Variants in TRIM34 observed in about 807,000 individuals in gnomAD.
The protein encoded by TRIM34 is E3 ubiquitin-protein ligase TRIM34.
A neutral mutation model predicts 38.1 loss-of-function variants in TRIM34; 41 were observed. The ratio of observed to expected loss-of-function variants is 1.08; its 90% CI spans 0.84 to 1.40. The LOEUF (loss-of-function observed/expected upper bound fraction) is 1.40, where lower values mean the gene tolerates loss of function less well. TRIM34 is among the 40% of genes most tolerant of loss of function. TRIM34 has a pLI of 0.00. For synonymous variants in TRIM34, 200 were observed against 202.5 expected (o/e 0.99, Z 0.10); for missense variants, 556 against 571.4 (o/e 0.97, Z 0.27).
chr11:5,628,256 C>G (rs1564882415), intron 1 of TRIM34, among the ~76,000 whole-genome samples: 1 of 152,198 alleles, frequency 6.6e-6, no homozygotes, highest in South Asian at 2.1e-4. Flanking sequence ...CCTGGAGCCC[C>G]CCGGTATTTC....
At chr11:5,641,138 T>C in intron 4 of TRIM34, 29 bp from the exon 5 acceptor site, 1 of 1,612,440 alleles carries the variant, frequency 6.2e-7, no homozygotes. Context: ...TTTATACACT[T>C]TGACTCATGT....
At chr11:5,632,822 CTTTTTT>C (rs878895848) in intron 2 of TRIM34, 68 bp downstream of exon 2, 352 of 981,878 alleles carry the variant, frequency 3.6e-4, no homozygotes, top group Middle Eastern at 1.4e-3. Flanking sequence ...CCTTTTCATC[CTTTTTT>C]TTTTTTTTTT....
chr11:5,630,247 A>G (rs574041744), intron 1 of TRIM34, among the ~76,000 whole-genome samples: 1 of 152,268 alleles, frequency 6.6e-6, no homozygotes, highest in South Asian at 2.1e-4. Context: ...GGTGATGGCG[A>G]TGTGTTTTTT....
At chr11:5,633,448 C>T (rs1014345993) in intron 2 of TRIM34, among the ~76,000 whole-genome samples, 1 of 152,020 alleles carries the variant, frequency 6.6e-6, no homozygotes, top group Non-Finnish European at 1.5e-5. Context: ...GTGATAAATT[C>T]CTTCCCAAAG....
chr11:5,623,128 T>C (rs949640358), upstream of TRIM34, among the ~76,000 whole-genome samples: 1 of 105,218 alleles, frequency 9.5e-6, no homozygotes, highest in African/African-American at 4.2e-5. Context: ...TTTTTTTTTA[T>C]CTTAGTAGCT....
At chr11:5,635,270 T>G (rs1011705932) in intron 4 of TRIM34, among the ~76,000 whole-genome samples, 3 of 151,422 alleles carry the variant, frequency 2.0e-5, no homozygotes, top group African/African-American at 7.3e-5. Flanking sequence ...TTTTTTTTTT[T>G]TTTGAGACGG....
intron 1 of TRIM34, chr11:5,626,461 T>C (rs1220797037): frequency 2.0e-5 from 3 of 152,248 alleles, no homozygotes; most frequent in African/African-American, 4.8e-5. Context: ...GTTTTCATTG[T>C]AAGAACACAT....
chr11:5,643,163 A>G lies in TRIM34; in HGVS notation c.921A>G (p.Ser307=). 9 of 1,550,442 alleles carry G rather than the reference A, an allele frequency of 5.8e-6. No homozygotes were observed. The highest frequency in any genetic ancestry group is 7.8e-6 in the Non-Finnish European group (9 of 1,154,538). Residue 307 remains serine (S), a synonymous_variant, in exon 8 of 8, where the codon TCA becomes TCG. Transcript: ENST00000429814. ...RCYWVDVTLN[S]VNLNLNLVLS... is the part of the protein sequence containing the mutation. ...TTGCAGTGGATGTCACACTGAATTC[A>G]GTCAACCTAAATTTGAATCTTGTCC...
chr11:5,637,473 A>C (rs56360642), intron 4 of TRIM34, among the ~76,000 whole-genome samples: 6,195 of 152,302 alleles, frequency 0.041, 405 homozygotes, highest in African/African-American at 0.14. Flanking sequence ...TTTGATTTTT[A>C]ATGCTTTCTG....
chr11:5,636,715 T>C (rs1333366886), intron 4 of TRIM34, among the ~76,000 whole-genome samples: 3 of 152,194 alleles, frequency 2.0e-5, no homozygotes, highest in African/African-American at 7.2e-5. Flanking sequence ...AAAATATTGG[T>C]AGATCAAAAA....
chr11:5,628,806 A>ATTTT (rs71053285), intron 1 of TRIM34, among the ~76,000 whole-genome samples: 2 of 149,456 alleles, frequency 1.3e-5, no homozygotes, highest in Non-Finnish European at 1.5e-5. Context: ...GGCAAAGTTG[A>ATTTT]TTTTTTTTTT....
chr11:5,632,458 A>G lies in TRIM34; in HGVS notation c.127A>G (p.Asn43Asp). 6.2e-7 allele frequency: 1 copy of G among 1,614,086 alleles called. No homozygotes were observed. The highest frequency in any genetic ancestry group is 8.5e-7 in the Non-Finnish European group (1 of 1,180,022). ...CTGCCGAGCCTGCATCACTGTGAGC[A>G]ACAAGGAGGCAGTGACCAGCATGGG... ...SLCRACITVS[N>D]KEAVTSMGGK... Residue 43 changes from asparagine (N) to aspartate (D), a missense_variant, in exon 2 of 8, where the codon AAC becomes GAC. Transcript: ENST00000429814.
rs190422688 is a variant in TRIM34 at position 5,639,603 on chromosome 11, C to T, written c.751-1564C>T. On this transcript the variant is annotated intron_variant, in intron 4 of 7. Coordinates refer to ENST00000429814, the MANE Select transcript of TRIM34 (RefSeq NM_021616.6). ...GCTGAGGCAGAAGAATCGCTTGAAC[C>T]GGGGAGGTGGAGGTTGCAGCGAGCC... 5.1e-4 allele frequency among the ~76,000 whole-genome samples: 68 copies of T among 134,340 alleles called. 1 individual carries two copies. Among genetic ancestry groups the T allele is most frequent in the Admixed American group, 1.1e-3 (13 of 11,496 alleles). 88.1% of individuals were successfully genotyped at this position (134,340 alleles called of 152,430 possible).
rs113128572 is a variant in TRIM34, at chr11:5,643,114, C to CATATATATATAT, written c.902-29_902-18dup. The CATATATATATAT allele has an allele frequency of 6.1e-6, 3 of 493,000 alleles. No individual in the cohort carries two copies. In the South Asian group the frequency reaches 2.3e-4, roughly 37 times the overall value. The allele number at this position is 493,000 out of a possible 1,614,324, so 30.5% of individuals were successfully genotyped here. ...TCACACAGATGATTATATTCATATA[C>CATATATATATAT]ATATATATATATTTTTTTTTTTCTT... On this transcript the variant is annotated intron_variant, in intron 7 of 7. Transcript: ENST00000429814.
At chr11:5,626,185 T>C (rs111939535) in intron 1 of TRIM34, among the ~76,000 whole-genome samples, 1,610 of 152,274 alleles carry the variant, frequency 0.011, 26 homozygotes, top group South Asian at 0.035. Context: ...ACCCAACATA[T>C]GGGATAAAAT....
chr11:5,623,120 T>TTA (rs1471117772), upstream of TRIM34, among the ~76,000 whole-genome samples: 6 of 151,036 alleles, frequency 4.0e-5, no homozygotes, highest in Non-Finnish European at 5.9e-5. Flanking sequence ...TTTTTTTTTT[T>TTA]TTTTTTATCT....
intron 7 of TRIM34, 148 bp downstream of exon 7, chr11:5,642,991 C>T: frequency 7.4e-7 from 1 of 1,355,518 alleles, no homozygotes; most frequent in African/African-American, 1.5e-5. Context: ...TTTTACCCCT[C>T]CAATTCATCA....
At position 5,641,196 on chromosome 11, in the gene TRIM34, A is replaced by T; in HGVS notation, c.773+7A>T. ...TGAGTGGAATCATGAAATGGTGCGT[A>T]TGGGTGGCCAGGAGTGGTGCTTGTG... On this transcript the variant is annotated splice_region_variant and intron_variant, in intron 5 of 7. Transcript: ENST00000429814. 1 of 1,613,714 alleles carries T rather than the reference A, an allele frequency of 6.2e-7. No homozygotes were observed.
In TRIM34 at chr11:5,644,250, T is replaced by C. The variant is rs1002912056; in HGVS notation, c.*541T>C. On this transcript the variant is annotated 3_prime_UTR_variant, in exon 8 of 8. Coordinates refer to ENST00000429814, the MANE Select transcript of TRIM34 (RefSeq NM_021616.6). Reference sequence around the variant, plus strand: ...TGTTTTCTAATCATGATGAATACTTTCTCAGTTTCTTTTTCCTGAAATATA... The same window carrying C: ...TGTTTTCTAATCATGATGAATACTTCCTCAGTTTCTTTTTCCTGAAATATA... The C allele has an allele frequency of 7.5e-6, 3 of 398,866 alleles. No individual in the cohort carries two copies. The highest frequency in any genetic ancestry group is 1.3e-5 in the Non-Finnish European group (3 of 226,260). 24.7% of individuals were successfully genotyped at this position (398,866 alleles called of 1,614,324 possible). A position where few individuals can be genotyped will look rare whatever the true frequency, so the allele number is the denominator to read the frequency against.
Sources: allele counts gnomAD v4.1 joint callset (sites outside exome capture counted in the v4.1 genomes callset), GRCh38; gene constraint gnomAD v4.1.1; transcripts MANE v1.5; gene names NCBI Gene and HGNC (gene_info 2026-07-23, HGNC 2026-07-21).